Variants in EPHA6 observed in about 807,000 individuals in gnomAD.
The protein encoded by EPHA6 is ephrin type-A receptor 6.
Under a neutral mutation model 112.0 loss-of-function variants are expected in EPHA6, and 50 were observed. That is an observed-to-expected ratio of 0.45 (90% CI 0.36 to 0.56). The LOEUF (loss-of-function observed/expected upper bound fraction) is 0.56. EPHA6 is among the 20% of genes least tolerant of loss of function. The pLI is 0.00. For missense variants in EPHA6, 1,280 were observed against 1,417.4 expected (o/e 0.90, Z 1.56); for synonymous variants, 529 against 490.7 (o/e 1.08, Z -1.03).
intron 14 of EPHA6, among the ~76,000 whole-genome samples, chr3:97,644,487 A>C (rs1431762425): frequency 1.3e-5 from 2 of 151,940 alleles, no homozygotes; most frequent in Non-Finnish European, 2.9e-5. Context: ...TCAAAAAATT[A>C]ATGAATCCAG....
At chr3:97,494,205 TA>T (rs2091921196) in intron 10 of EPHA6, among the ~76,000 whole-genome samples, 1 of 152,220 alleles carries the variant, frequency 6.6e-6, no homozygotes, top group Admixed American at 6.5e-5. Flanking sequence ...TCCCTGATTA[TA>T]ATGGAAAAGT....
At chr3:97,274,329 C>T (rs981054383) in intron 5 of EPHA6, among the ~76,000 whole-genome samples, 8 of 152,064 alleles carry the variant, frequency 5.3e-5, no homozygotes, top group Admixed American at 3.3e-4. Context: ...TGTCTAGCCA[C>T]CTTAGCATAA....
intron 13 of EPHA6, among the ~76,000 whole-genome samples, chr3:97,628,533 C>A (rs1311942952): frequency 6.6e-6 from 1 of 151,686 alleles, no homozygotes; most frequent in Non-Finnish European, 1.5e-5. Context: ...TTTCAGGTGG[C>A]TAAAAATAGT....
chr3:97,706,738 T>C (rs1301531451), intron 14 of EPHA6, among the ~76,000 whole-genome samples: 1 of 152,066 alleles, frequency 6.6e-6, no homozygotes, highest in African/African-American at 2.4e-5. Flanking sequence ...CTGAAGGTTT[T>C]TGCCTCCTCA....
chr3:96,981,344 G>A (rs113840697), intron 2 of EPHA6, among the ~76,000 whole-genome samples: 56 of 152,212 alleles, frequency 3.7e-4, no homozygotes, highest in African/African-American at 1.3e-3. Context: ...TTATGTGCTG[G>A]ATTTCATTTA....
intron 3 of EPHA6, among the ~76,000 whole-genome samples, chr3:97,014,132 C>T (rs1357961605): frequency 6.6e-6 from 1 of 151,970 alleles, no homozygotes; most frequent in Non-Finnish European, 1.5e-5. Context: ...TTTTATACCT[C>T]TTGTCTTTTA....
At chr3:96,969,658 A>G (rs539328111) in intron 2 of EPHA6, among the ~76,000 whole-genome samples, 29 of 152,020 alleles carry the variant, frequency 1.9e-4, no homozygotes, top group Non-Finnish European at 3.5e-4. Flanking sequence ...CATATCTTTA[A>G]TAAGAAATAA....
chr3:97,696,973 C>A lies in EPHA6; in HGVS notation c.2785-23288C>A, dbSNP rs534932843. Among the ~76,000 whole-genome samples, 14 of 152,212 alleles carry A rather than the reference C, an allele frequency of 9.2e-5. No homozygotes were observed. The East Asian group carries it at 2.7e-3, about 29-fold the overall frequency. ...ATACTAAATTTAGTTTTAAAACTAGCAAAATATGGTTGTTCATCATTAGAA... is the reference window on the plus strand; with the variant it reads ...ATACTAAATTTAGTTTTAAAACTAGAAAAATATGGTTGTTCATCATTAGAA... On this transcript the variant is annotated intron_variant, in intron 14 of 17. Transcript: ENST00000389672.
intron 6 of EPHA6, among the ~76,000 whole-genome samples, chr3:97,440,196 T>G (rs1053170649): frequency 6.6e-6 from 1 of 152,148 alleles, no homozygotes; most frequent in African/African-American, 2.4e-5. Flanking sequence ...ATTAATTTAT[T>G]TAAGATGTCT....
chr3:97,051,220 A>G (rs976734241), intron 3 of EPHA6, among the ~76,000 whole-genome samples: 1 of 152,198 alleles, frequency 6.6e-6, no homozygotes, highest in African/African-American at 2.4e-5. Flanking sequence ...CTGACAAAAC[A>G]TCTTGTAAAC....
At chr3:97,580,093 C>T (rs2093423622) in intron 11 of EPHA6, among the ~76,000 whole-genome samples, 1 of 152,164 alleles carries the variant, frequency 6.6e-6, no homozygotes, top group Non-Finnish European at 1.5e-5. Flanking sequence ...ACATCTAGGG[C>T]ATAAAGTAGT....
intron 6 of EPHA6, among the ~76,000 whole-genome samples, chr3:97,419,985 C>CA (rs373789613): frequency 1.5e-3 from 230 of 151,304 alleles, no homozygotes; most frequent in African/African-American, 5.1e-3. Flanking sequence ...GTTGTATTAC[C>CA]AAAAAAAACC....
At chr3:96,898,422 A>G (rs976424768) in intron 2 of EPHA6, among the ~76,000 whole-genome samples, 1 of 152,140 alleles carries the variant, frequency 6.6e-6, no homozygotes, top group Non-Finnish European at 1.5e-5. Context: ...GACCTCAGCA[A>G]TACCTTCCTG....
chr3:97,210,918 T>C (rs1414600223), intron 3 of EPHA6, among the ~76,000 whole-genome samples: 3 of 152,174 alleles, frequency 2.0e-5, no homozygotes, highest in Non-Finnish European at 2.9e-5. Context: ...GTGCTGGTTT[T>C]CAACCACGAG....
At chr3:97,310,144 A>G (rs1367565048) in intron 5 of EPHA6, among the ~76,000 whole-genome samples, 3 of 151,638 alleles carry the variant, frequency 2.0e-5, no homozygotes, top group East Asian at 1.9e-4. Context: ...CCACCCCCAC[A>G]ACTCCTCTCT....
intron 2 of EPHA6, among the ~76,000 whole-genome samples, chr3:96,943,650 A>G (rs2041097190): frequency 2.0e-5 from 3 of 152,240 alleles, no homozygotes; most frequent in Non-Finnish European, 4.4e-5. Context: ...ATTCAAACAT[A>G]AAGTAAATAA....
chr3:97,740,815 T>A (rs1030270180), intron 16 of EPHA6, among the ~76,000 whole-genome samples: 2 of 152,196 alleles, frequency 1.3e-5, no homozygotes, highest in African/African-American at 4.8e-5. Flanking sequence ...TTTTGTTCAA[T>A]GCCACATAGG....
At chr3:97,235,761 T>G (rs1382915861) in intron 4 of EPHA6, among the ~76,000 whole-genome samples, 1 of 152,146 alleles carries the variant, frequency 6.6e-6, no homozygotes, top group East Asian at 1.9e-4. Flanking sequence ...AGGTTCAGGC[T>G]TGGTCTGTCT....
At chr3:97,582,658 T>C (rs990305529) in intron 11 of EPHA6, among the ~76,000 whole-genome samples, 2 of 152,178 alleles carry the variant, frequency 1.3e-5, no homozygotes, top group South Asian at 2.1e-4. Flanking sequence ...CTGCTTTCAA[T>C]TGTTTCAAGA....
Sources: gnomAD v4.1 joint callset for allele counts (sites outside exome capture counted in the v4.1 genomes callset) on GRCh38, gnomAD v4.1.1 for gene constraint, MANE v1.5 for transcripts, NCBI Gene and HGNC (gene_info 2026-07-23, HGNC 2026-07-21) for gene names.